Variants in UCK2 observed in about 807,000 individuals in gnomAD.
UCK2 encodes cytidine monophosphokinase 2.
UCK2 carries 6 observed loss-of-function variants against 30.8 expected under a neutral mutation model. That is an observed-to-expected ratio of 0.19 (90% CI 0.11 to 0.38). UCK2 has a LOEUF of 0.38. UCK2 is among the 10% of genes least tolerant of loss of function. The pLI, the probability that UCK2 is intolerant of heterozygous loss-of-function variation, is 1.00. For missense variants in UCK2, 210 were observed against 339.8 expected, an observed-to-expected ratio of 0.62 and a Z score of 3.00; for synonymous variants, 125 against 133.6, an observed-to-expected ratio of 0.94 and a Z score of 0.45.
chr1:165,890,455 G>T, intron 2 of UCK2, 92 bp downstream of exon 2: 1 of 1,311,742 alleles, frequency 7.6e-7, no homozygotes, highest in Non-Finnish European at 1.1e-6. Flanking sequence ...TTAACCTCTC[G>T]GAATCTTGTT....
intron 4 of UCK2, 128 bp downstream of exon 4, chr1:165,896,460 G>C (rs529421408): frequency 9.5e-7 from 1 of 1,047,888 alleles, no homozygotes; most frequent in African/African-American, 1.6e-5. Flanking sequence ...GCTGTGTGTC[G>C]CATGGTCCAG....
At chr1:165,888,484 G>A (rs1655679023) in intron 1 of UCK2, among the ~76,000 whole-genome samples, 1 of 151,952 alleles carries the variant, frequency 6.6e-6, no homozygotes, top group East Asian at 1.9e-4. Context: ...TAGAGGCAGG[G>A]TTTCACCATG....
intron 1 of UCK2, among the ~76,000 whole-genome samples, chr1:165,878,055 G>A (rs1031546010): frequency 6.6e-6 from 1 of 152,112 alleles, no homozygotes; most frequent in African/African-American, 2.4e-5. Flanking sequence ...TTGGACAAAT[G>A]TATGATAACA....
chr1:165,878,425 G>A (rs1194480808), intron 1 of UCK2, among the ~76,000 whole-genome samples: 1 of 151,870 alleles, frequency 6.6e-6, no homozygotes, highest in Admixed American at 6.6e-5. Context: ...CCACCTTCTG[G>A]GTTCAAGCGA....
chr1:165,890,613 G>C (rs1342825401), intron 2 of UCK2, among the ~76,000 whole-genome samples: 1 of 152,156 alleles, frequency 6.6e-6, no homozygotes, highest in Non-Finnish European at 1.5e-5. Context: ...TTTTGTATGA[G>C]CCTGGGACTC....
intron 3 of UCK2, chr1:165,894,594 A>G (rs1239439222): frequency 6.6e-6 from 1 of 152,128 alleles, no homozygotes; most frequent in Non-Finnish European, 1.5e-5. Context: ...GGATATTTTT[A>G]TAAGCTTCCC....
At chr1:165,883,683 A>G (rs1655553542) in intron 1 of UCK2, among the ~76,000 whole-genome samples, 1 of 152,188 alleles carries the variant, frequency 6.6e-6, no homozygotes, top group South Asian at 2.1e-4. Context: ...TCAGCAATGC[A>G]TGGGCTCTGG....
chr1:165,864,044 T>C (rs1654985607), intron 1 of UCK2, among the ~76,000 whole-genome samples: 1 of 149,832 alleles, frequency 6.7e-6, no homozygotes, highest in Admixed American at 6.7e-5. Context: ...ACCTCCCGTG[T>C]TCAAGTGATT....
chr1:165,861,133 G>T (rs927858839), intron 1 of UCK2, among the ~76,000 whole-genome samples: 1 of 151,950 alleles, frequency 6.6e-6, no homozygotes, highest in African/African-American at 2.4e-5. Context: ...TTGATGGAAA[G>T]GGCAAAAGGT....
At chr1:165,847,928 T>G (rs1043568551) in intron 1 of UCK2, among the ~76,000 whole-genome samples, 2 of 152,156 alleles carry the variant, frequency 1.3e-5, no homozygotes, top group African/African-American at 4.8e-5. Flanking sequence ...CTCGAACTCC[T>G]AACCTCAAGT....
intron 1 of UCK2, among the ~76,000 whole-genome samples, chr1:165,865,594 C>G (rs1185815074): frequency 6.6e-6 from 1 of 151,966 alleles, no homozygotes; most frequent in Non-Finnish European, 1.5e-5. Context: ...TATTATATTG[C>G]CTTTTTAAAC....
chr1:165,873,872 C>A (rs781492040), intron 1 of UCK2, among the ~76,000 whole-genome samples: 9 of 152,178 alleles, frequency 5.9e-5, no homozygotes, highest in Non-Finnish European at 1.2e-4. Context: ...TCTCACATCA[C>A]CAGAGCCACT....
At chr1:165,894,844 T>G (rs1293553393) in intron 3 of UCK2, among the ~76,000 whole-genome samples, 1 of 152,168 alleles carries the variant, frequency 6.6e-6, no homozygotes, top group East Asian at 1.9e-4. Context: ...TCCTTATGTT[T>G]GCACAGATGG....
At chr1:165,832,401 A>G (rs964624422) in intron 1 of UCK2, among the ~76,000 whole-genome samples, 5 of 152,188 alleles carry the variant, frequency 3.3e-5, no homozygotes, top group African/African-American at 9.6e-5. Flanking sequence ...TTAAGAAACC[A>G]TGAAAGAAGG....
intron 6 of UCK2, among the ~76,000 whole-genome samples, chr1:165,906,408 G>A (rs1459619415): frequency 2.6e-5 from 4 of 152,084 alleles, no homozygotes; most frequent in Admixed American, 6.5e-5. Context: ...CTTTAGAGAC[G>A]AGGTCTTGCT....
chr1:165,879,926 T>C (rs539227998), intron 1 of UCK2, among the ~76,000 whole-genome samples: 56 of 152,322 alleles, frequency 3.7e-4, no homozygotes, highest in Admixed American at 1.2e-3. Flanking sequence ...CCTGTTGCTC[T>C]GTATTTGGGC....
At chr1:165,905,865 C>T in intron 5 of UCK2, 56 bp from the exon 6 acceptor site, 1 of 1,548,732 alleles carries the variant, frequency 6.5e-7, no homozygotes, top group Non-Finnish European at 8.9e-7. Context: ...TGGAGAGGGT[C>T]TCGGGCCAGT....
intron 1 of UCK2, among the ~76,000 whole-genome samples, chr1:165,861,660 C>CA (rs796786633): frequency 7.3e-5 from 2 of 27,226 alleles, no homozygotes; most frequent in African/African-American, 1.5e-4. Context: ...CAAAAAAAAA[C>CA]AACAGTAAAA....
chr1:165,898,579 T>C (rs1647351772), intron 4 of UCK2, among the ~76,000 whole-genome samples: 2 of 152,312 alleles, frequency 1.3e-5, no homozygotes, highest in Admixed American at 1.3e-4. Flanking sequence ...GTCTCAGGGA[T>C]GCAGTGCTGC....
Sources: allele counts gnomAD v4.1 joint callset (sites outside exome capture counted in the v4.1 genomes callset), GRCh38; gene constraint gnomAD v4.1.1; transcripts MANE v1.5; gene names NCBI Gene and HGNC (gene_info 2026-07-23, HGNC 2026-07-21).